The following SLC1A7 variants were observed in gnomAD, a reference collection of about 807,000 sequenced individuals.
SLC1A7 encodes the protein solute carrier family 1 member 7, also known as excitatory amino acid transporter 5.
In SLC1A7, 40 loss-of-function variants were observed where a neutral mutation model predicts 47.7. The observed-to-expected ratio is 0.84, with a 90% confidence interval of 0.65 to 1.09. The LOEUF is 1.09. Ranked by LOEUF, SLC1A7 falls within the 50% of genes least tolerant of loss-of-function variation. The pLI, the probability that SLC1A7 is intolerant of heterozygous loss-of-function variation, is 0.00. For missense variants in SLC1A7, 746 were observed against 769.5 expected, an observed-to-expected ratio of 0.97 and a Z score of 0.36; for synonymous variants, 323 against 325.6, an observed-to-expected ratio of 0.99 and a Z score of 0.09.
chr1:53,114,828 G>A lies in SLC1A7; in HGVS notation c.361C>T (p.Gln121Ter). The A allele has an allele frequency of 3.1e-6, 5 of 1,614,190 alleles. No individual in the cohort carries two copies. The highest frequency in any genetic ancestry group is 4.2e-6 in the Non-Finnish European group (5 of 1,180,018). Residue 121 changes from glutamine to a stop codon, truncating the protein, a stop_gained, in exon 3 of 11, where the codon CAG becomes TAG. Transcript: ENST00000371494. LOFTEE classifies it high-confidence loss of function. ...CCACTCTGCTCCGTGGTCTCCTTCT[G>A]GGCCGCGCTGCCTGGGTGGATGATG... The part of the protein sequence containing the change: ...VSIIHPGSAA[Q>*]KETTEQSGKP...
intron 1 of SLC1A7, among the ~76,000 whole-genome samples, chr1:53,141,632 C>A (rs1645057999): frequency 6.6e-6 from 1 of 151,444 alleles, no homozygotes. Flanking sequence ...CAGCCCACAT[C>A]CAATCGGCCC....
chr1:53,089,323 G>C (rs1644394153), intron 9 of SLC1A7, among the ~76,000 whole-genome samples: 1 of 152,180 alleles, frequency 6.6e-6, no homozygotes, highest in Admixed American at 6.5e-5. Flanking sequence ...GGAGTGCAGT[G>C]GCGCCATCTC....
chr1:53,131,173 G>A (rs1263404107), intron 2 of SLC1A7, among the ~76,000 whole-genome samples: 1 of 152,222 alleles, frequency 6.6e-6, no homozygotes, highest in East Asian at 1.9e-4. Context: ...CTGGTGGAGG[G>A]AGACCAGGCA....
At chr1:53,100,411 T>C (rs1644560189) in intron 5 of SLC1A7, among the ~76,000 whole-genome samples, 1 of 150,364 alleles carries the variant, frequency 6.7e-6, no homozygotes, top group African/African-American at 2.5e-5. Flanking sequence ...CTCAGTACAC[T>C]CACACGTCTT....
chr1:53,121,528 CT>C (rs1342938772), intron 2 of SLC1A7, among the ~76,000 whole-genome samples: 1 of 152,232 alleles, frequency 6.6e-6, no homozygotes, highest in Admixed American at 6.5e-5. Context: ...CCTCTCCTTT[CT>C]GGTCATTTTA....
intron 10 of SLC1A7, 102 bp downstream of exon 10, chr1:53,088,775 G>A (rs955304484): frequency 2.5e-6 from 2 of 807,442 alleles, no homozygotes; most frequent in Non-Finnish European, 4.2e-6. Context: ...TGGAGGGAGG[G>A]ATTGGCTGGA....
chr1:53,089,274 T>C (rs1470642863), intron 9 of SLC1A7, among the ~76,000 whole-genome samples: 1 of 151,932 alleles, frequency 6.6e-6, no homozygotes, highest in East Asian at 1.9e-4. Flanking sequence ...GTTTGTTTGT[T>C]TGTTTTTTGA....
At chr1:53,103,595 G>T (rs1457446972) in intron 4 of SLC1A7, 27 bp from the exon 5 acceptor site, 1 of 1,435,662 alleles carries the variant, frequency 7.0e-7, no homozygotes, top group Admixed American at 2.1e-5. Context: ...CACCCAGAGA[G>T]AAGTCAGGGC....
chr1:53,141,599 G>T (rs764159590), intron 1 of SLC1A7, among the ~76,000 whole-genome samples: 2 of 152,028 alleles, frequency 1.3e-5, no homozygotes, highest in Admixed American at 1.3e-4. Context: ...GAAACCCGGG[G>T]CCTGGCTCCC....
Position 53,142,501 on chromosome 1 carries a change from C to A in SLC1A7, c.-52G>T. 5 of 1,590,436 alleles carry A rather than the reference C, an allele frequency of 3.1e-6. No individual in the cohort carries two copies. Among genetic ancestry groups the A allele is most frequent in the Non-Finnish European group, 4.3e-6 (5 of 1,168,970 alleles). On this transcript the variant is annotated 5_prime_UTR_variant, in exon 1 of 11. Coordinates refer to ENST00000371494, the MANE Select transcript of SLC1A7 (RefSeq NM_006671.6). ...CACAGCACCATTCCACGCATGAGAG[C>A]CCGGCCGGGGGCACAGGGTCTGGGC...
chr1:53,120,223 G>T (rs977072154), intron 2 of SLC1A7, among the ~76,000 whole-genome samples: 2 of 152,266 alleles, frequency 1.3e-5, no homozygotes, highest in South Asian at 4.1e-4. Flanking sequence ...CCTGGTTCTC[G>T]CACCAACCCC....
chr1:53,110,024 T>C (rs551958284), intron 3 of SLC1A7, among the ~76,000 whole-genome samples: 1 of 152,164 alleles, frequency 6.6e-6, no homozygotes, highest in Non-Finnish European at 1.5e-5. Context: ...CAGCTTCCCA[T>C]TCCCAAAGCC....
Position 53,088,222 on chromosome 1 carries a change from C to A in SLC1A7, c.1470G>T (p.Leu490=), listed in dbSNP as rs2150312147. 1 of 1,605,066 alleles carries A rather than the reference C, an allele frequency of 6.2e-7. No individual in the cohort carries two copies. Among genetic ancestry groups the A allele is most frequent in the Non-Finnish European group, 8.5e-7 (1 of 1,175,064 alleles). The change falls in exon 11 of 11, where the codon CTG becomes CTT. Residue 490 remains leucine (L), a synonymous_variant. Transcript: ENST00000371494. ...TCACTGGCTTGGTCTCGCAGGGCAGCAGTTTCTGGTGAAGGGAAACAGGTC... is the reference window on the plus strand; with the variant it reads ...TCACTGGCTTGGTCTCGCAGGGCAGAAGTTTCTGGTGAAGGGAAACAGGTC... The part of the protein sequence containing the change: ...DFARDTGTEK[L]LPCETKPVSL...
At chr1:53,120,331 G>A (rs1013902371) in intron 2 of SLC1A7, among the ~76,000 whole-genome samples, 14 of 152,038 alleles carry the variant, frequency 9.2e-5, no homozygotes, top group Non-Finnish European at 1.0e-4. Context: ...TAGAAACCAC[G>A]CCCCCACGAA....
rs776189525 is a variant in SLC1A7 at position 53,114,834 on chromosome 1, C to T, written c.355G>A (p.Ala119Thr). 2.9e-5 allele frequency: 47 copies of T among 1,614,076 alleles called. No individual in the cohort carries two copies. Among genetic ancestry groups the T allele is most frequent in the African/African-American group, 4.0e-5 (3 of 74,940 alleles). The change falls in exon 3 of 11, where the codon GCG becomes ACG. Residue 119 changes from alanine (A) to threonine (T), a missense_variant. Physicochemically the swap from Ala to Thr is moderately conservative, Grantham distance 58 (BLOSUM62 0). Transcript: ENST00000371494. ...FMVSIIHPGS[A>T]AQKETTEQSG... ...TGCTCCGTGGTCTCCTTCTGGGCCG[C>T]GCTGCCTGGGTGGATGATGGAGACC...
At chr1:53,094,743 TCCA>T (rs1353448170) in intron 5 of SLC1A7, among the ~76,000 whole-genome samples, 8 of 152,142 alleles carry the variant, frequency 5.3e-5, no homozygotes, top group African/African-American at 1.2e-4. Context: ...CTCCCCGGGC[TCCA>T]CCACCACCAC....
intron 5 of SLC1A7, among the ~76,000 whole-genome samples, chr1:53,096,418 T>TCA: frequency 6.8e-6 from 1 of 146,880 alleles, no homozygotes; most frequent in South Asian, 2.2e-4. Flanking sequence ...CTCGGTACAC[T>TCA]CACACACCCT....
chr1:53,114,764 A>G lies in SLC1A7; in HGVS notation c.425T>C (p.Leu142Pro). Residue 142 changes from leucine to proline, a missense_variant, in exon 3 of 11, where the codon CTC becomes CCC. Leu to Pro is a moderately conservative substitution (Grantham distance 98, BLOSUM62 -3). Coordinates refer to ENST00000371494, the MANE Select transcript of SLC1A7 (RefSeq NM_006671.6). ...IMSSADALLD[L>P]IRNMFPANLV... Reference sequence around the variant, plus strand: ...TGTGGGTGGCAATAGTTACCGGATGAGGTCCAACAGGGCATCGGCTGAGCT... The same window carrying G: ...TGTGGGTGGCAATAGTTACCGGATGGGGTCCAACAGGGCATCGGCTGAGCT... 2 of 1,613,584 alleles carry G rather than the reference A, an allele frequency of 1.2e-6. No homozygotes were observed. Among genetic ancestry groups the G allele is most frequent in the Non-Finnish European group, 1.7e-6 (2 of 1,179,710 alleles).
chr1:53,126,857 G>A (rs2150341112), intron 2 of SLC1A7, among the ~76,000 whole-genome samples: 1 of 72,462 alleles, frequency 1.4e-5, no homozygotes, highest in Non-Finnish European at 2.6e-5. Flanking sequence ...TTTGTAATTT[G>A]CTTATCTAAT....
Sources: gnomAD v4.1 joint callset for allele counts (sites outside exome capture counted in the v4.1 genomes callset) on GRCh38, gnomAD v4.1.1 for gene constraint, MANE v1.5 for transcripts, NCBI Gene and HGNC (gene_info 2026-07-23, HGNC 2026-07-21) for gene names.